BMPR1B: variants seen among roughly 807,000 people sequenced by gnomAD.
BMPR1B encodes bone morphogenetic protein receptor type-1B.
Under a neutral mutation model 59.1 loss-of-function variants are expected in BMPR1B, and 12 were observed. The ratio of observed to expected loss-of-function variants is 0.20; its 90% CI spans 0.13 to 0.33. BMPR1B has a LOEUF of 0.33. Ranked by LOEUF, BMPR1B falls within the 10% of genes least tolerant of loss-of-function variation. The probability of loss-of-function intolerance (pLI) is 1.00; values close to 1 mark genes in which losing one functional copy is unlikely to be tolerated. For synonymous variants in BMPR1B, 237 were observed against 207.3 expected (o/e 1.14, Z -1.23); for missense variants, 550 against 610.9 (o/e 0.90, Z 1.05).
chr4:94,937,913 C>T (rs900961900), intron 2 of BMPR1B, among the ~76,000 whole-genome samples: 9 of 152,052 alleles, frequency 5.9e-5, no homozygotes, highest in Admixed American at 2.0e-4. Context: ...TAAATGAGTC[C>T]TCATATGCTT....
intron 3 of BMPR1B, among the ~76,000 whole-genome samples, chr4:95,002,813 A>G (rs1722545418): frequency 6.6e-6 from 1 of 152,234 alleles, no homozygotes; most frequent in South Asian, 2.1e-4. Flanking sequence ...TTGCCTGCAA[A>G]GAAATGTATA....
At chr4:94,916,318 A>G (rs1036642403) in intron 2 of BMPR1B, among the ~76,000 whole-genome samples, 1 of 152,194 alleles carries the variant, frequency 6.6e-6, no homozygotes, top group African/African-American at 2.4e-5. Context: ...GGGATTTCTT[A>G]GAGATTAGTT....
intron 3 of BMPR1B, among the ~76,000 whole-genome samples, chr4:95,072,556 G>A (rs1344442947): frequency 1.3e-5 from 2 of 152,006 alleles, no homozygotes; most frequent in Admixed American, 6.6e-5. Context: ...AATAAAATGA[G>A]GAAAACTACA....
rs114016459 is a variant in BMPR1B, at chr4:94,885,753, A to G, written c.-113+9853A>G. The stretch of plus-strand genomic sequence containing the variant: ...AGAGCTCAATCTAATTATTTAATAT[A>G]ATTGTAAAACATATTGCTGACCTGG... On this transcript the variant is annotated intron_variant, in intron 2 of 12. Coordinates refer to ENST00000515059, the MANE Select transcript of BMPR1B (RefSeq NM_001203.3). 6.8e-3 allele frequency among the ~76,000 whole-genome samples: 1,031 copies of G among 152,316 alleles called. 12 individuals carry two copies. Among genetic ancestry groups the G allele is most frequent in the African/African-American group, 0.023 (964 of 41,572 alleles).
chr4:94,907,859 G>A (rs1578788618), intron 2 of BMPR1B, among the ~76,000 whole-genome samples: 1 of 151,274 alleles, frequency 6.6e-6, no homozygotes, highest in East Asian at 1.9e-4. Flanking sequence ...GAATATGAAT[G>A]TACATGTCTG....
intron 2 of BMPR1B, among the ~76,000 whole-genome samples, chr4:94,976,485 A>T (rs1578872125): frequency 6.6e-6 from 1 of 152,182 alleles, no homozygotes; most frequent in Non-Finnish European, 1.5e-5. Flanking sequence ...AACCACTTAT[A>T]TAGCTCTCCT....
chr4:94,913,012 T>C (rs1244646281), intron 2 of BMPR1B, among the ~76,000 whole-genome samples: 4 of 152,198 alleles, frequency 2.6e-5, no homozygotes, highest in African/African-American at 9.6e-5. Flanking sequence ...TAAAATTGTT[T>C]AAAATTCTTA....
At chr4:94,885,483 T>C (rs1727137778) in intron 2 of BMPR1B, among the ~76,000 whole-genome samples, 1 of 152,210 alleles carries the variant, frequency 6.6e-6, no homozygotes, top group Non-Finnish European at 1.5e-5. Context: ...TATAACAGAA[T>C]ACAAAATATC....
At chr4:95,108,795 G>A (rs186175133) in intron 4 of BMPR1B, among the ~76,000 whole-genome samples, 2 of 152,182 alleles carry the variant, frequency 1.3e-5, no homozygotes, top group African/African-American at 4.8e-5. Context: ...TCTCCCTCGA[G>A]ATACCATCTG....
In BMPR1B at chr4:94,787,421, AT is replaced by A. The variant is rs1306550186; in HGVS notation, c.-183+29354del. 2.6e-5 allele frequency among the ~76,000 whole-genome samples: 4 copies of A among 152,264 alleles called. No individual in the cohort carries two copies. In the East Asian group the frequency reaches 7.7e-4, roughly 29 times the overall value. On this transcript the variant is annotated intron_variant, in intron 1 of 12. Coordinates refer to ENST00000515059, the MANE Select transcript of BMPR1B (RefSeq NM_001203.3). ...CCCTGAAGCAGGTTATAAGGCCCTC[AT>A]GTGACAGGTACCCTCCCTGTATCCA...
At chr4:94,906,134 A>G (rs948186907) in intron 2 of BMPR1B, among the ~76,000 whole-genome samples, 2 of 151,938 alleles carry the variant, frequency 1.3e-5, no homozygotes, top group African/African-American at 4.8e-5. Context: ...ATTATCTCCA[A>G]TGACTCTACT....
At chr4:94,945,011 G>C (rs967129585) in intron 2 of BMPR1B, among the ~76,000 whole-genome samples, 1 of 152,056 alleles carries the variant, frequency 6.6e-6, no homozygotes, top group Non-Finnish European at 1.5e-5. Flanking sequence ...AACAAATGAA[G>C]CCAAACTCAG....
At chr4:94,839,400 T>C (rs1441416134) in intron 1 of BMPR1B, among the ~76,000 whole-genome samples, 1 of 146,886 alleles carries the variant, frequency 6.8e-6, no homozygotes, top group Non-Finnish European at 1.5e-5. Context: ...GGTCTAAGTC[T>C]CTTTGTAGGT....
chr4:95,146,083 G>T (rs1035980108), intron 10 of BMPR1B, among the ~76,000 whole-genome samples: 2 of 152,216 alleles, frequency 1.3e-5, no homozygotes, highest in African/African-American at 4.8e-5. Context: ...AAATGACTAT[G>T]ACAAGTATTT....
At chr4:94,928,077 C>A (rs973845436) in intron 2 of BMPR1B, among the ~76,000 whole-genome samples, 2 of 151,540 alleles carry the variant, frequency 1.3e-5, no homozygotes, top group Non-Finnish European at 2.9e-5. Context: ...AGTGCTTTTT[C>A]TTATATTGCT....
intron 3 of BMPR1B, among the ~76,000 whole-genome samples, chr4:95,082,186 A>G (rs187094009): frequency 8.0e-6 from 1 of 125,300 alleles, no homozygotes; most frequent in Admixed American, 1.0e-4. Context: ...TCCTGTGTCC[A>G]TTGAATTATA....
At chr4:94,809,881 G>T (rs143653468) in intron 1 of BMPR1B, among the ~76,000 whole-genome samples, 1 of 152,320 alleles carries the variant, frequency 6.6e-6, no homozygotes, top group East Asian at 1.9e-4. Flanking sequence ...CCTGAGGAGA[G>T]GCCTTAGATG....
chr4:94,783,949 G>A (rs1173232747), intron 1 of BMPR1B, among the ~76,000 whole-genome samples: 1 of 152,088 alleles, frequency 6.6e-6, no homozygotes, highest in East Asian at 1.9e-4. Context: ...CACAGGGAGT[G>A]GAGTTTCTCT....
intron 2 of BMPR1B, among the ~76,000 whole-genome samples, chr4:94,983,886 A>G (rs1300511772): frequency 2.0e-5 from 3 of 152,230 alleles, no homozygotes; most frequent in African/African-American, 7.2e-5. Context: ...CACTGGGAAC[A>G]GGGATTGTGT....
Sources: allele counts gnomAD v4.1 joint callset (sites outside exome capture counted in the v4.1 genomes callset), GRCh38; gene constraint gnomAD v4.1.1; transcripts MANE v1.5; gene names NCBI Gene and HGNC (gene_info 2026-07-23, HGNC 2026-07-21).